AFF3: variants seen among roughly 807,000 people sequenced by gnomAD.
AFF3 encodes ALF transcription elongation factor 3, also known as AF4/FMR2 family member 3.
A neutral mutation model predicts 129.7 loss-of-function variants in AFF3; 32 were observed. That is an observed-to-expected ratio of 0.25 (90% confidence interval 0.19 to 0.33). AFF3 has a LOEUF of 0.33. AFF3 is among the 10% of genes least tolerant of loss of function. The pLI, the probability that AFF3 is intolerant of heterozygous loss-of-function variation, is 1.00. For synonymous variants in AFF3, 644 were observed against 635.4 expected, an observed-to-expected ratio of 1.01 and a Z score of -0.20; for missense variants, 1,373 against 1,592.0, an observed-to-expected ratio of 0.86 and a Z score of 2.34.
intron 13 of AFF3, among the ~76,000 whole-genome samples, chr2:99,610,950 C>T (rs529074716): frequency 1.8e-4 from 27 of 152,202 alleles, no homozygotes; most frequent in Non-Finnish European, 3.4e-4. Flanking sequence ...TTCTTACAGT[C>T]CTGCAGGTCC....
intron 1 of AFF3, among the ~76,000 whole-genome samples, chr2:100,137,077 T>C (rs1692667902): frequency 6.6e-6 from 1 of 152,238 alleles, no homozygotes; most frequent in South Asian, 2.1e-4. Flanking sequence ...TTGAATTATT[T>C]TACTGCTGAT....
At chr2:100,023,551 C>G (rs1158526881) in intron 4 of AFF3, among the ~76,000 whole-genome samples, 1 of 152,136 alleles carries the variant, frequency 6.6e-6, no homozygotes, top group Non-Finnish European at 1.5e-5. Flanking sequence ...AGCAAGGCCT[C>G]CCATTAAACA....
intron 12 of AFF3, among the ~76,000 whole-genome samples, chr2:99,667,863 TA>T (rs1337597243): frequency 1.3e-5 from 2 of 152,038 alleles, no homozygotes; most frequent in African/African-American, 2.4e-5. Flanking sequence ...TAACTATTAA[TA>T]TTTTTTTTTT....
chr2:99,724,656 T>C (rs187930900), intron 11 of AFF3, among the ~76,000 whole-genome samples: 2 of 152,276 alleles, frequency 1.3e-5, no homozygotes, highest in South Asian at 2.1e-4. Context: ...AAAGCTCAGA[T>C]AGATGCTGCA....
At chr2:99,812,943 T>C (rs1686906671) in intron 8 of AFF3, among the ~76,000 whole-genome samples, 2 of 152,228 alleles carry the variant, frequency 1.3e-5, no homozygotes, top group South Asian at 4.1e-4. Flanking sequence ...TATTTAGTCA[T>C]TGCTGATTAT....
intron 11 of AFF3, among the ~76,000 whole-genome samples, chr2:99,711,326 G>A (rs1385666327): frequency 6.6e-6 from 1 of 151,974 alleles, no homozygotes; most frequent in Non-Finnish European, 1.5e-5. Flanking sequence ...CTGAGACCTC[G>A]TTTTTCTCTT....
At chr2:99,883,460 C>T (rs1160780759) in intron 7 of AFF3, among the ~76,000 whole-genome samples, 2 of 152,194 alleles carry the variant, frequency 1.3e-5, no homozygotes, top group Non-Finnish European at 2.9e-5. Context: ...ATTAGTCTCC[C>T]AGCTGAACTC....
At chr2:99,721,063 AAT>A (rs1240164695) in intron 11 of AFF3, among the ~76,000 whole-genome samples, 1 of 152,128 alleles carries the variant, frequency 6.6e-6, no homozygotes, top group Non-Finnish European at 1.5e-5. Flanking sequence ...ATTTCCTATA[AAT>A]ATTTTCTTCT....
At chr2:99,744,709 T>C (rs1333844836) in intron 9 of AFF3, among the ~76,000 whole-genome samples, 1 of 152,214 alleles carries the variant, frequency 6.6e-6, no homozygotes, top group African/African-American at 2.4e-5. Context: ...GTAGCATGTA[T>C]CGGTTCTTCA....
chr2:99,906,939 C>T (rs1240010994), intron 7 of AFF3, among the ~76,000 whole-genome samples: 2 of 152,076 alleles, frequency 1.3e-5, no homozygotes, highest in African/African-American at 2.4e-5. Context: ...TACTGGTACA[C>T]CACTGAAGGG....
At position 99,639,538 on chromosome 2, in the gene AFF3, C is replaced by T. The variant is rs377560619; in HGVS notation, c.1184+10088G>A. ...CCCCGACAGTTCTCTGCCAGGGCTCCCCCACGTTATTGAACATTACTGTTT... is the reference window on the plus strand; with the variant it reads ...CCCCGACAGTTCTCTGCCAGGGCTCTCCCACGTTATTGAACATTACTGTTT... On this transcript the variant is annotated intron_variant, in intron 13 of 24. Transcript: ENST00000672756. Among the ~76,000 whole-genome samples, 70 of 152,216 alleles carry T rather than the reference C, an allele frequency of 4.6e-4. 1 individual carries two copies. Among genetic ancestry groups the T allele is most frequent in the African/African-American group, 1.7e-3 (69 of 41,536 alleles).
At chr2:99,755,875 G>T (rs1682057511) in intron 8 of AFF3, among the ~76,000 whole-genome samples, 1 of 152,150 alleles carries the variant, frequency 6.6e-6, no homozygotes, top group South Asian at 2.1e-4. Context: ...AGACATCTTA[G>T]CTGGCTTCTC....
In AFF3 at chr2:99,550,445, A is replaced by G. The variant is rs1274994799; in HGVS notation, c.*1029T>C. The stretch of plus-strand genomic sequence containing the variant: ...TAGCTCTCAGCCTGGTAAGCGAAGG[A>G]TTCAGGCTCCTACTGAAGGGACAAT... On this transcript the variant is annotated 3_prime_UTR_variant, in exon 25 of 25. Transcript: ENST00000672756. 8.7e-6 allele frequency: 2 copies of G among 230,968 alleles called. No homozygotes were observed. Among genetic ancestry groups the G allele is most frequent in the Non-Finnish European group, 1.7e-5 (2 of 116,702 alleles). 14.3% of individuals were successfully genotyped at this position (230,968 alleles called of 1,614,324 possible).
At chr2:100,086,523 A>G (rs1254274751) in intron 4 of AFF3, among the ~76,000 whole-genome samples, 2 of 152,252 alleles carry the variant, frequency 1.3e-5, no homozygotes, top group African/African-American at 2.4e-5. Flanking sequence ...CCATCTCAAA[A>G]AAGAGAGAGA....
intron 11 of AFF3, among the ~76,000 whole-genome samples, chr2:99,720,636 G>A (rs1678806575): frequency 6.6e-6 from 1 of 152,148 alleles, no homozygotes; most frequent in Non-Finnish European, 1.5e-5. Flanking sequence ...ATTTAATGCA[G>A]TTACTAATAT....
chr2:99,817,470 C>T (rs1211263058), intron 8 of AFF3, among the ~76,000 whole-genome samples: 1 of 152,166 alleles, frequency 6.6e-6, no homozygotes, highest in Non-Finnish European at 1.5e-5. Flanking sequence ...GTTTCTTTGG[C>T]TTTTTTTCCT....
chr2:99,711,470 A>T (rs1677884410), intron 11 of AFF3, among the ~76,000 whole-genome samples: 1 of 152,208 alleles, frequency 6.6e-6, no homozygotes, highest in South Asian at 2.1e-4. Context: ...TTATGGTCCC[A>T]GGCTGCCTGA....
Position 99,714,809 on chromosome 2 carries a change from C to T in AFF3, c.1091+12268G>A, listed in dbSNP as rs1303163441. On this transcript the variant is annotated intron_variant, in intron 11 of 24. Transcript: ENST00000672756. ...ATTGTTCCTCTGTATTTTTTCCCTC[C>T]ATATTTAATGTTTTCTAAGATAGTG... 2.6e-5 allele frequency among the ~76,000 whole-genome samples: 4 copies of T among 152,208 alleles called. No individual in the cohort carries two copies. In the East Asian group the frequency reaches 7.7e-4, roughly 29 times the overall value.
chr2:99,947,602 A>AGAT, intron 7 of AFF3, among the ~76,000 whole-genome samples: 1 of 31,464 alleles, frequency 3.2e-5, no homozygotes. Context: ...AAAGAAAGAA[A>AGAT]GATAGATAGA....
Sources: allele counts gnomAD v4.1 joint callset (sites outside exome capture counted in the v4.1 genomes callset), GRCh38; gene constraint gnomAD v4.1.1; transcripts MANE v1.5; gene names NCBI Gene and HGNC (gene_info 2026-07-23, HGNC 2026-07-21).